The following PPP2R3A variants were observed in gnomAD, a reference collection of about 807,000 sequenced individuals.
The protein encoded by PPP2R3A is serine/threonine-protein phosphatase 2A regulatory subunit B'' subunit alpha.
PPP2R3A carries 80 observed loss-of-function variants against 106.9 expected under a neutral mutation model. The ratio of observed to expected loss-of-function variants is 0.75; its 90% CI spans 0.62 to 0.90. PPP2R3A has a LOEUF of 0.90. Among genes scored for constraint, PPP2R3A ranks in the 40% least tolerant of loss-of-function variants. The pLI, the probability that PPP2R3A is intolerant of heterozygous loss-of-function variation, is 0.00. For missense variants in PPP2R3A, 1,386 were observed against 1,350.4 expected (o/e 1.03, Z -0.41); for synonymous variants, 483 against 468.3 (o/e 1.03, Z -0.41).
chr3:136,042,432 G>A (rs1008215405), intron 4 of PPP2R3A, among the ~76,000 whole-genome samples: 2 of 152,126 alleles, frequency 1.3e-5, no homozygotes, highest in Non-Finnish European at 2.9e-5. Context: ...GCAGCACACC[G>A]CCACAGCACG....
intron 2 of PPP2R3A, among the ~76,000 whole-genome samples, chr3:136,026,307 T>C (rs953653741): frequency 1.3e-5 from 2 of 152,118 alleles, no homozygotes; most frequent in African/African-American, 4.8e-5. Flanking sequence ...TAACAAAGAT[T>C]TTCTCAGCAT....
chr3:136,081,262 A>T (rs1350996352), intron 7 of PPP2R3A, among the ~76,000 whole-genome samples: 1 of 152,178 alleles, frequency 6.6e-6, no homozygotes, highest in Non-Finnish European at 1.5e-5. Flanking sequence ...AAGTGCTGGG[A>T]TTACAGGCAT....
At chr3:136,108,790 C>CTGAA (rs879509623) in intron 13 of PPP2R3A, among the ~76,000 whole-genome samples, 133 of 151,976 alleles carry the variant, frequency 8.8e-4, no homozygotes, top group African/African-American at 2.8e-3. Context: ...AAATTGAATA[C>CTGAA]TGAAAGACCA....
intron 2 of PPP2R3A, among the ~76,000 whole-genome samples, chr3:136,019,687 A>G (rs181968592): frequency 1.3e-5 from 2 of 152,302 alleles, no homozygotes; most frequent in East Asian, 3.9e-4. Flanking sequence ...ACAAGTAAAT[A>G]AGTAAAAAGC....
In PPP2R3A at chr3:136,001,237, T is replaced by C. The variant is rs1576424117; in HGVS notation, c.-262T>C. The C allele has an allele frequency of 4.3e-6, 2 of 461,044 alleles. No individual in the cohort carries two copies. The highest frequency in any genetic ancestry group is 6.5e-5 in the East Asian group (2 of 30,860). 28.6% of individuals were successfully genotyped at this position (461,044 alleles called of 1,614,324 possible). On this transcript the variant is annotated 5_prime_UTR_variant, in exon 2 of 14. Transcript: ENST00000264977. ...TTCTTTCATCAAAATAATTCTGCAGTATCATAATATTACTAAATAAAATTA... is the reference window on the plus strand; with the variant it reads ...TTCTTTCATCAAAATAATTCTGCAGCATCATAATATTACTAAATAAAATTA...
At chr3:135,983,017 A>G (rs1380987321) in intron 1 of PPP2R3A, among the ~76,000 whole-genome samples, 1 of 152,156 alleles carries the variant, frequency 6.6e-6, no homozygotes, top group Non-Finnish European at 1.5e-5. Context: ...AAAATGAACT[A>G]ATAACGTTAG....
intron 4 of PPP2R3A, among the ~76,000 whole-genome samples, chr3:136,046,695 C>T (rs1011403850): frequency 6.6e-5 from 10 of 152,182 alleles, no homozygotes; most frequent in African/African-American, 2.4e-4. Context: ...AATTCTAAAA[C>T]CCAGAGTGTG....
chr3:136,031,981 A>G (rs141590401), intron 3 of PPP2R3A, among the ~76,000 whole-genome samples: 2 of 152,300 alleles, frequency 1.3e-5, no homozygotes, highest in East Asian at 3.9e-4. Flanking sequence ...TGCGTTGGCC[A>G]TGCGGGCTCT....
intron 3 of PPP2R3A, among the ~76,000 whole-genome samples, chr3:136,031,608 G>T (rs1056261278): frequency 6.6e-6 from 1 of 152,160 alleles, no homozygotes; most frequent in African/African-American, 2.4e-5. Flanking sequence ...TTTTCCCATT[G>T]TTATCTTCTA....
chr3:136,016,148 A>T (rs900490855), intron 2 of PPP2R3A, among the ~76,000 whole-genome samples: 2 of 152,054 alleles, frequency 1.3e-5, no homozygotes, highest in Non-Finnish European at 2.9e-5. Context: ...TTTGGAGTCG[A>T]TTTCCAATTT....
chr3:135,966,296 G>A (rs1432924619), intron 1 of PPP2R3A, among the ~76,000 whole-genome samples: 1 of 152,206 alleles, frequency 6.6e-6, no homozygotes, highest in East Asian at 1.9e-4. Context: ...AGGCGCTGAG[G>A]CTTTCTTTTC....
At position 136,070,510 on chromosome 3, in the gene PPP2R3A, C is replaced by T; in HGVS notation, c.2502C>T (p.Phe834=). The change falls in exon 6 of 14, where the codon TTC becomes TTT. Residue 834 remains phenylalanine (F), a synonymous_variant. Coordinates refer to ENST00000264977, the MANE Select transcript of PPP2R3A (RefSeq NM_002718.5). ...TGGATACCCACCCTGGTCTCACGTT[C>T]CTGAAAGATGCTCCAGAATTCCACT... ...DVVDTHPGLT[F]LKDAPEFHSR... The T allele has an allele frequency of 6.2e-7, 1 of 1,610,588 alleles. No homozygotes were observed. Among genetic ancestry groups the T allele is most frequent in the Non-Finnish European group, 8.5e-7 (1 of 1,178,804 alleles).
In PPP2R3A at chr3:136,101,160, C is replaced by T. The variant is rs751905943; in HGVS notation, c.2928-847C>T. On this transcript the variant is annotated intron_variant, in intron 10 of 13. Transcript: ENST00000264977. ...CAACCAAGGAAGACTTCATCAAGAA[C>T]ATGCAATTGACAGAGCACCTCATGG... Among the ~76,000 whole-genome samples, 153 of 152,188 alleles carry T rather than the reference C, an allele frequency of 1.0e-3. 1 individual carries two copies. The highest frequency in any genetic ancestry group is 3.1e-4 in the Non-Finnish European group (21 of 68,036).
chr3:136,036,169 G>C (rs757177102), intron 3 of PPP2R3A, among the ~76,000 whole-genome samples: 1 of 151,820 alleles, frequency 6.6e-6, no homozygotes, highest in African/African-American at 2.4e-5. Flanking sequence ...CCTTTCTCTG[G>C]TGCCTCCCTG....
intron 5 of PPP2R3A, among the ~76,000 whole-genome samples, chr3:136,049,742 G>C (rs543810151): frequency 6.6e-6 from 1 of 152,088 alleles, no homozygotes; most frequent in East Asian, 1.9e-4. Context: ...CTAAGAACCT[G>C]GTAGAAAGAA....
At chr3:136,013,076 T>A (rs1424915771) in intron 2 of PPP2R3A, among the ~76,000 whole-genome samples, 1 of 152,170 alleles carries the variant, frequency 6.6e-6, no homozygotes, top group African/African-American at 2.4e-5. Context: ...TTACTTCACC[T>A]ACAATAGTAG....
At chr3:136,105,549 C>T (rs1937494097) in intron 12 of PPP2R3A, among the ~76,000 whole-genome samples, 1 of 152,112 alleles carries the variant, frequency 6.6e-6, no homozygotes, top group African/African-American at 2.4e-5. Context: ...CTCAGCTACT[C>T]AGTAGGCTGA....
chr3:136,099,982 C>G (rs1937318215), intron 10 of PPP2R3A, among the ~76,000 whole-genome samples: 1 of 150,310 alleles, frequency 6.7e-6, no homozygotes, highest in East Asian at 2.0e-4. Flanking sequence ...TTTTCAAGGA[C>G]TGAAGGATTC....
chr3:136,055,585 G>A, intron 5 of PPP2R3A: 1 of 1,403,618 alleles, frequency 7.1e-7, no homozygotes, highest in Non-Finnish European at 1.0e-6. Context: ...TTTCTCTGCA[G>A]TACTGTATCC....
Sources: allele counts gnomAD v4.1 joint callset (sites outside exome capture counted in the v4.1 genomes callset), GRCh38; gene constraint gnomAD v4.1.1; transcripts MANE v1.5; gene names NCBI Gene and HGNC (gene_info 2026-07-23, HGNC 2026-07-21).